The following SUGT1 variants were observed in gnomAD, a reference collection of about 807,000 sequenced individuals.
The protein encoded by SUGT1 is protein SGT1 homolog.
Under a neutral mutation model 56.1 loss-of-function variants are expected in SUGT1, and 15 were observed. The observed-to-expected ratio is 0.27, with a 90% CI of 0.18 to 0.41. The LOEUF is 0.41. Among genes scored for constraint, SUGT1 ranks in the 10% least tolerant of loss-of-function variants. SUGT1 has a pLI of 1.00. For synonymous variants in SUGT1, 123 were observed against 128.6 expected, an observed-to-expected ratio of 0.96 and a Z score of 0.30; for missense variants, 347 against 382.2, an observed-to-expected ratio of 0.91 and a Z score of 0.77.
intron 9 of SUGT1, among the ~76,000 whole-genome samples, chr13:52,666,322 C>T (rs1566182836): frequency 6.6e-6 from 1 of 152,158 alleles, no homozygotes; most frequent in Non-Finnish European, 1.5e-5. Flanking sequence ...AGTGATCTAC[C>T]CATCTCAGCC....
At chr13:52,667,985 T>TTC (rs1962784910) in intron 10 of SUGT1, among the ~76,000 whole-genome samples, 1 of 151,720 alleles carries the variant, frequency 6.6e-6, no homozygotes, top group African/African-American at 2.4e-5. Context: ...TTTTTTTTTT[T>TTC]CCTTGTTTTT....
At chr13:52,685,256 C>CTTTTTTT (rs59104304) in intron 12 of SUGT1, among the ~76,000 whole-genome samples, 5 of 87,734 alleles carry the variant, frequency 5.7e-5, no homozygotes, top group Non-Finnish European at 1.1e-4. Flanking sequence ...TCTTCTTCTT[C>CTTTTTTT]TTTTTTTTTT....
At chr13:52,662,969 T>C in intron 6 of SUGT1, 127 bp from the exon 7 acceptor site, 2 of 1,077,874 alleles carry the variant, frequency 1.9e-6, no homozygotes, top group South Asian at 3.3e-5. Flanking sequence ...AAACCACTTT[T>C]CTTTAGTTGA....
chr13:52,652,997 C>G lies in SUGT1; in HGVS notation c.38+39C>G. 2.5e-6 allele frequency: 4 copies of G among 1,614,200 alleles called. 1 individual carries two copies. In the South Asian group the frequency reaches 4.4e-5, roughly 18 times the overall value. ...TTTCCCTTTGGTATTTATTTTATCC[C>G]CCTTTCCTTGGCTAGTGAGCCCTGC... is the stretch of plus-strand genomic sequence containing the variant. On this transcript the variant is annotated intron_variant, in intron 1 of 12. Coordinates refer to ENST00000310528, the MANE Select transcript of SUGT1 (RefSeq NM_006704.5).
rs1963731048 is a variant in SUGT1 at position 52,689,990 on chromosome 13, A to G, written c.*2155A>G. On this transcript the variant is annotated 3_prime_UTR_variant, in exon 13 of 13. Coordinates refer to ENST00000310528, the MANE Select transcript of SUGT1 (RefSeq NM_006704.5). ...AATAAATAGCTGTTTAAAAAAAAAA[A>G]ATCTGGTACTATCTTTAGTTGGTTT... The G allele has an allele frequency of 6.6e-6, 1 of 152,012 alleles. No individual in the cohort carries two copies. Among genetic ancestry groups the G allele is most frequent in the African/African-American group, 2.4e-5 (1 of 41,388 alleles). 9.4% of individuals were successfully genotyped at this position (152,012 alleles called of 1,614,324 possible).
intron 2 of SUGT1, among the ~76,000 whole-genome samples, chr13:52,656,321 C>A (rs556009770): frequency 6.6e-6 from 1 of 152,358 alleles, no homozygotes; most frequent in African/African-American, 2.4e-5. Flanking sequence ...TAGCAAGTCT[C>A]TCTGCTTCTA....
chr13:52,676,073 A>G (rs982381034), intron 10 of SUGT1, among the ~76,000 whole-genome samples, 157 bp from the exon 11 acceptor site: 9 of 152,182 alleles, frequency 5.9e-5, no homozygotes, highest in Non-Finnish European at 1.3e-4. Context: ...TAGAAACAAA[A>G]TTGTTTCATA....
intron 11 of SUGT1, among the ~76,000 whole-genome samples, chr13:52,676,985 A>G (rs753868966): frequency 6.6e-6 from 1 of 152,194 alleles, no homozygotes; most frequent in Admixed American, 6.5e-5. Context: ...ACAACCTAAG[A>G]TTATATTTTA....
rs1964057573 is a variant in SUGT1 at position 52,700,731 on chromosome 13, CAAT to C, written c.*12899_*12901del. The C allele has an allele frequency of 6.6e-6, 1 of 152,108 alleles. No homozygotes were observed. The highest frequency in any genetic ancestry group is 1.5e-5 in the Non-Finnish European group (1 of 68,028). The allele number at this position is 152,108 out of a possible 1,614,324, so 9.4% of individuals were successfully genotyped here. The stretch of plus-strand genomic sequence containing the variant: ...TTTGGTCAACTCTCTCCTCCTCCCT[CAAT>C]AAATCAGTTAACTTAAAAAATATAT... On this transcript the variant is annotated 3_prime_UTR_variant, in exon 13 of 13. Transcript: ENST00000310528.
rs529904533 is a variant in SUGT1 at position 52,679,257 on chromosome 13, G to A, written c.719-717G>A. 6.6e-5 allele frequency among the ~76,000 whole-genome samples: 10 copies of A among 152,176 alleles called. No homozygotes were observed. The East Asian group carries it at 1.7e-3, about 26-fold the overall frequency. ...TTTGGAGCAATCTTGGCAGTACCCCGAGCCCCTGGGCCAGTAGCCTCTCTC... is the reference window on the plus strand; with the variant it reads ...TTTGGAGCAATCTTGGCAGTACCCCAAGCCCCTGGGCCAGTAGCCTCTCTC... On this transcript the variant is annotated intron_variant, in intron 11 of 12. Transcript: ENST00000310528.
At chr13:52,663,975 G>A in intron 7 of SUGT1, 60 bp from the exon 8 acceptor site, 2 of 1,515,918 alleles carry the variant, frequency 1.3e-6, no homozygotes, top group African/African-American at 1.4e-5. Context: ...TAATACAGTT[G>A]CTAAACTGAC....
At chr13:52,654,780 T>C (rs1211317977) in intron 2 of SUGT1, among the ~76,000 whole-genome samples, 1 of 152,268 alleles carries the variant, frequency 6.6e-6, no homozygotes, top group Non-Finnish European at 1.5e-5. Flanking sequence ...TTCGCATTGC[T>C]GTGTAATATT....
rs1306755819 is a variant in SUGT1, at chr13:52,699,002, AAC to A, written c.*11171_*11172del. 5 of 152,222 alleles carry A rather than the reference AAC, an allele frequency of 3.3e-5. No homozygotes were observed. The highest frequency in any genetic ancestry group is 9.6e-5 in the African/African-American group (4 of 41,458). The allele number at this position is 152,222 out of a possible 1,614,324, so 9.4% of individuals were successfully genotyped here. On this transcript the variant is annotated 3_prime_UTR_variant, in exon 13 of 13. Transcript: ENST00000310528. ...AGGTGACCTGGAGGACTGCATGTAGAACACAGTGATGTCAAGGAGTAAAGGAG... is the reference window on the plus strand; with the variant it reads ...AGGTGACCTGGAGGACTGCATGTAGAACAGTGATGTCAAGGAGTAAAGGAG...
In SUGT1 at chr13:52,657,541, A is replaced by G. The variant is rs542061013; in HGVS notation, c.106A>G (p.Lys36Glu). 4 of 1,613,492 alleles carry G rather than the reference A, an allele frequency of 2.5e-6. No individual in the cohort carries two copies. The highest frequency in any genetic ancestry group is 3.4e-6 in the Non-Finnish European group (4 of 1,179,772). ...DPQAALEELT[K>E]ALEQKPDDAQ... ...ATGTTTGTTTTTGTAGGAGCTGACT[A>G]AGGCTTTGGAACAGAAACCAGATGA... is the stretch of plus-strand genomic sequence containing the variant. The change falls in exon 3 of 13, where the codon AAG becomes GAG. Residue 36 changes from lysine to glutamate, a missense_variant. Transcript: ENST00000310528.
intron 10 of SUGT1, among the ~76,000 whole-genome samples, chr13:52,669,525 A>C (rs1962845993): frequency 6.6e-6 from 1 of 152,218 alleles, no homozygotes; most frequent in Non-Finnish European, 1.5e-5. Flanking sequence ...AAGTTTACCT[A>C]GTTAACTAAA....
intron 12 of SUGT1, among the ~76,000 whole-genome samples, chr13:52,686,542 T>G (rs1963595842): frequency 6.6e-6 from 1 of 152,102 alleles, no homozygotes; most frequent in Non-Finnish European, 1.5e-5. Context: ...ACATTTCATG[T>G]TTGGAAGATG....
rs574064882 is a variant in SUGT1, at chr13:52,683,990, C to T, written c.901-3744C>T. ...CAACTTCCCAGGCTCAAGTGATCCT[C>T]TCATCTCAGCCTCTCCAGTAGCTGG... On this transcript the variant is annotated intron_variant, in intron 12 of 12. Coordinates refer to ENST00000310528, the MANE Select transcript of SUGT1 (RefSeq NM_006704.5). Among the ~76,000 whole-genome samples, 7 of 152,322 alleles carry T rather than the reference C, an allele frequency of 4.6e-5. No individual in the cohort carries two copies. The East Asian group carries it at 1.3e-3, about 29-fold the overall frequency.
chr13:52,661,856 A>T (rs1447440772), intron 5 of SUGT1, among the ~76,000 whole-genome samples: 1 of 152,108 alleles, frequency 6.6e-6, no homozygotes, highest in East Asian at 1.9e-4. Context: ...GTAAAGTAGA[A>T]ATTTTTGTTA....
intron 4 of SUGT1, 74 bp from the exon 5 acceptor site, chr13:52,659,103 TAA>T (rs1310324084): frequency 3.3e-6 from 4 of 1,226,156 alleles, no homozygotes; most frequent in African/African-American, 1.6e-5. Context: ...TAGAAAATAC[TAA>T]GTTTTTTATT....
Sources: allele counts gnomAD v4.1 joint callset (sites outside exome capture counted in the v4.1 genomes callset), GRCh38; gene constraint gnomAD v4.1.1; transcripts MANE v1.5; gene names NCBI Gene and HGNC (gene_info 2026-07-23, HGNC 2026-07-21).